NR2F1-AS1: variants seen among roughly 807,000 people sequenced by gnomAD.
The protein encoded by NR2F1-AS1 is NR2F1 regulatory antisense RNA 1.
chr5:93,499,394 T>G (rs1017731476), intron 4 of NR2F1-AS1, among the ~76,000 whole-genome samples: 1 of 152,206 alleles, frequency 6.6e-6, no homozygotes, highest in Non-Finnish European at 1.5e-5. Flanking sequence ...GCTCACTTTG[T>G]GTCTCTGGGT....
chr5:93,456,853 A>G (rs1749959581), intron 4 of NR2F1-AS1, among the ~76,000 whole-genome samples: 2 of 152,152 alleles, frequency 1.3e-5, no homozygotes, highest in African/African-American at 2.4e-5. Flanking sequence ...GGAGAGGGTC[A>G]GCAGGAAAAC....
chr5:93,461,460 C>T (rs115877304), intron 4 of NR2F1-AS1, among the ~76,000 whole-genome samples: 4,032 of 152,148 alleles, frequency 0.027, 92 homozygotes, highest in Middle Eastern at 0.051. Flanking sequence ...AACAAACCTA[C>T]CTATTTTGCA....
At chr5:93,457,723 G>T (rs1016966543) in intron 4 of NR2F1-AS1, among the ~76,000 whole-genome samples, 2 of 151,490 alleles carry the variant, frequency 1.3e-5, no homozygotes, top group African/African-American at 4.9e-5. Context: ...TCTGAAGTTT[G>T]TGTCACCTTT....
At chr5:93,496,405 G>A (rs181699352) in intron 4 of NR2F1-AS1, among the ~76,000 whole-genome samples, 15 of 152,172 alleles carry the variant, frequency 9.9e-5, no homozygotes, top group Admixed American at 3.3e-4. Context: ...TGTGAGACAC[G>A]GCATAGCTTG....
chr5:93,583,726 CAGA>C (rs1332584531), upstream of NR2F1-AS1: 2 of 152,050 alleles, frequency 1.3e-5, no homozygotes, highest in East Asian at 1.9e-4. Flanking sequence ...GCAGAAGAAG[CAGA>C]AGAAGGAGCA....
At chr5:93,576,068 T>A (rs1580348655) in intron 1 of NR2F1-AS1, among the ~76,000 whole-genome samples, 1 of 152,328 alleles carries the variant, frequency 6.6e-6, no homozygotes, top group East Asian at 1.9e-4. Context: ...TTAGATGATG[T>A]CTATTCAAAG....
intron 1 of NR2F1-AS1, chr5:93,571,012 G>A (rs761585015): frequency 2.6e-5 from 4 of 152,218 alleles, no homozygotes; most frequent in Non-Finnish European, 4.4e-5. Context: ...GGGTCGTGAA[G>A]AGACACTCGA....
chr5:93,461,097 T>C (rs1259964004), intron 4 of NR2F1-AS1, among the ~76,000 whole-genome samples: 1 of 152,204 alleles, frequency 6.6e-6, no homozygotes, highest in African/African-American at 2.4e-5. Context: ...TGCCCATCAA[T>C]GATAGACTGG....
rs1226462375 is a variant in NR2F1-AS1, at chr5:93,468,734, T to A, written n.639-73192A>T. Among the ~76,000 whole-genome samples, 8 of 151,920 alleles carry A rather than the reference T, an allele frequency of 5.3e-5. No homozygotes were observed. In the South Asian group the frequency reaches 6.3e-4, roughly 12 times the overall value. On this transcript the variant is annotated intron_variant and non_coding_transcript_variant, in intron 4 of 5. Transcript: ENST00000660523. ...GAAGTCTTTGCCCATGCCTATGTCCTGAATGGTATTGCCTAGGTTTTCTTC... is the reference window on the plus strand; with the variant it reads ...GAAGTCTTTGCCCATGCCTATGTCCAGAATGGTATTGCCTAGGTTTTCTTC...
chr5:93,429,467 C>A (rs1314250614), intron 4 of NR2F1-AS1, among the ~76,000 whole-genome samples: 1 of 152,178 alleles, frequency 6.6e-6, no homozygotes, highest in Non-Finnish European at 1.5e-5. Flanking sequence ...CTGTGACAAT[C>A]TGCAGCAAGT....
chr5:93,491,368 T>TG (rs1057255959), intron 4 of NR2F1-AS1, among the ~76,000 whole-genome samples: 3 of 139,324 alleles, frequency 2.2e-5, no homozygotes, highest in Non-Finnish European at 3.1e-5. Context: ...GTGGTGATGG[T>TG]GGGGGGGTGG....
intron 4 of NR2F1-AS1, among the ~76,000 whole-genome samples, chr5:93,420,897 T>A (rs1490968341): frequency 6.6e-6 from 1 of 152,230 alleles, no homozygotes; most frequent in African/African-American, 2.4e-5. Flanking sequence ...AAATGTTTTA[T>A]CAAACTGGGA....
chr5:93,471,403 CATT>C (rs1750361688), intron 4 of NR2F1-AS1, among the ~76,000 whole-genome samples: 1 of 151,804 alleles, frequency 6.6e-6, no homozygotes, highest in South Asian at 2.1e-4. Context: ...TGCATTCCAA[CATT>C]ATTTACTGGA....
intron 4 of NR2F1-AS1, among the ~76,000 whole-genome samples, chr5:93,425,763 T>C (rs994625133): frequency 1.3e-5 from 2 of 152,120 alleles, no homozygotes; most frequent in African/African-American, 2.4e-5. Flanking sequence ...GTTCCCATGA[T>C]CCCTTGCATT....
At chr5:93,522,691 G>A (rs1008068961) in intron 4 of NR2F1-AS1, among the ~76,000 whole-genome samples, 4 of 151,506 alleles carry the variant, frequency 2.6e-5, no homozygotes, top group African/African-American at 9.8e-5. Flanking sequence ...GCAGCCCACA[G>A]ACGGTGAGCC....
At chr5:93,440,193 GTCTCTCTCTC>G (rs374272400) in intron 4 of NR2F1-AS1, among the ~76,000 whole-genome samples, 7 of 143,956 alleles carry the variant, frequency 4.9e-5, no homozygotes, top group Non-Finnish European at 1.1e-4. Context: ...CTCTCTCTCT[GTCTCTCTCTC>G]TCTCTCTCTC....
chr5:93,538,244 A>G (rs1458952095), intron 4 of NR2F1-AS1, among the ~76,000 whole-genome samples: 1 of 152,168 alleles, frequency 6.6e-6, no homozygotes, highest in Non-Finnish European at 1.5e-5. Flanking sequence ...AGGTTGAGGC[A>G]GGCAGATCCC....
At chr5:93,472,058 G>A (rs562680042) in intron 4 of NR2F1-AS1, among the ~76,000 whole-genome samples, 22 of 151,806 alleles carry the variant, frequency 1.4e-4, no homozygotes, top group African/African-American at 5.3e-4. Context: ...TCCATTTTCA[G>A]AGGAGGGAAC....
intron 4 of NR2F1-AS1, among the ~76,000 whole-genome samples, chr5:93,415,253 C>T (rs1360135194): frequency 1.3e-5 from 2 of 152,184 alleles, no homozygotes; most frequent in African/African-American, 2.4e-5. Flanking sequence ...ACTGTATCTA[C>T]TTCACAGGGT....
Sources: allele counts gnomAD v4.1 joint callset (sites outside exome capture counted in the v4.1 genomes callset), GRCh38; gene constraint gnomAD v4.1.1; transcripts MANE v1.5; gene names NCBI Gene and HGNC (gene_info 2026-07-23, HGNC 2026-07-21).